TP63: variants seen among roughly 807,000 people sequenced by gnomAD.
TP63 encodes the protein tumor protein 63.
TP63 carries 17 observed loss-of-function variants against 82.8 expected under a neutral mutation model. That is an observed-to-expected ratio of 0.21 (90% CI 0.14 to 0.31). TP63 has a LOEUF of 0.31. Among genes scored for constraint, TP63 ranks in the 10% least tolerant of loss-of-function variants. The pLI, the probability that TP63 is intolerant of heterozygous loss-of-function variation, is 1.00. For missense variants in TP63, 648 were observed against 895.3 expected, an observed-to-expected ratio of 0.72 and a Z score of 3.52; for synonymous variants, 330 against 321.7, an observed-to-expected ratio of 1.03 and a Z score of -0.28.
chr3:189,655,996 C>T (rs958931734), intron 1 of TP63, among the ~76,000 whole-genome samples: 11 of 152,240 alleles, frequency 7.2e-5, no homozygotes, highest in African/African-American at 1.9e-4. Flanking sequence ...GGAAATTCTT[C>T]CTGACTCTTG....
At chr3:189,784,749 G>A (rs1426111639) in intron 3 of TP63, among the ~76,000 whole-genome samples, 1 of 151,948 alleles carries the variant, frequency 6.6e-6, no homozygotes, top group African/African-American at 2.4e-5. Flanking sequence ...CCCTAAAATG[G>A]GTGAGATCTA....
rs1343687224 is a variant in TP63 at position 189,840,356 on chromosome 3, CGTCTTTTTTTTTTT to C, written c.580-23875_580-23862del. Among the ~76,000 whole-genome samples the C allele has an allele frequency of 1.5e-4, 4 of 26,222 alleles. No homozygotes were observed. The East Asian group carries it at 2.7e-3, about 18-fold the overall frequency. The allele number at this position is 26,222 out of a possible 152,430, so 17.2% of individuals were successfully genotyped here. ...ATTGAGTTTTTTCTTTTTTGCTTTT[CGTCTTTTTTTTTTT>C]TTTTTTTTTTTTTTTTTACAAATTC... On this transcript the variant is annotated intron_variant, in intron 4 of 13. Coordinates refer to ENST00000264731, the MANE Select transcript of TP63 (RefSeq NM_003722.5).
chr3:189,745,273 T>C (rs1249870814), intron 3 of TP63, among the ~76,000 whole-genome samples: 1 of 152,150 alleles, frequency 6.6e-6, no homozygotes, highest in Non-Finnish European at 1.5e-5. Flanking sequence ...TAGATCCCAG[T>C]AAAAATTATT....
intron 1 of TP63, among the ~76,000 whole-genome samples, chr3:189,707,676 T>A (rs1718303348): frequency 6.6e-6 from 1 of 152,138 alleles, no homozygotes; most frequent in Admixed American, 6.5e-5. Flanking sequence ...ATGATTACTT[T>A]AAAAAACAAT....
chr3:189,815,221 T>G (rs1728048645), intron 4 of TP63, among the ~76,000 whole-genome samples: 1 of 152,096 alleles, frequency 6.6e-6, no homozygotes, highest in Non-Finnish European at 1.5e-5. Flanking sequence ...TCTCCATAAA[T>G]TAATATGGAG....
At position 189,656,147 on chromosome 3, in the gene TP63, G is replaced by A. The variant is rs991556674; in HGVS notation, c.62+24570G>A. ...TGAAAGAAAACTGTTTAAAACAATA[G>A]TAAATAACAATGTATTAAATGATTA... is the stretch of plus-strand genomic sequence containing the variant. On this transcript the variant is annotated intron_variant, in intron 1 of 13. Coordinates refer to ENST00000264731, the MANE Select transcript of TP63 (RefSeq NM_003722.5). Among the ~76,000 whole-genome samples, 15 of 152,212 alleles carry A rather than the reference G, an allele frequency of 9.9e-5. 1 individual carries two copies. Among genetic ancestry groups the A allele is most frequent in the East Asian group, 3.9e-4 (2 of 5,176 alleles).
intron 4 of TP63, among the ~76,000 whole-genome samples, chr3:189,843,472 T>C (rs1007365481): frequency 4.6e-5 from 7 of 152,054 alleles, no homozygotes; most frequent in Non-Finnish European, 1.0e-4. Context: ...GAAAAGTGCT[T>C]GGAGGAAGGA....
At chr3:189,718,490 A>G (rs922622861) in intron 1 of TP63, among the ~76,000 whole-genome samples, 12 of 148,830 alleles carry the variant, frequency 8.1e-5, no homozygotes, top group African/African-American at 3.0e-4. Context: ...GTGAGCGGTC[A>G]CTCACTGTCA....
At chr3:189,815,443 A>T (rs1220633602) in intron 4 of TP63, among the ~76,000 whole-genome samples, 1 of 152,208 alleles carries the variant, frequency 6.6e-6, no homozygotes, top group Non-Finnish European at 1.5e-5. Flanking sequence ...CTACAAGGAC[A>T]TCTGCTTTAC....
intron 1 of TP63, among the ~76,000 whole-genome samples, chr3:189,706,093 C>T (rs746219402): frequency 6.6e-6 from 1 of 152,084 alleles, no homozygotes; most frequent in Non-Finnish European, 1.5e-5. Context: ...CTTTATATCA[C>T]ATCGTATTAA....
At chr3:189,871,930 G>A (rs1056368723) in intron 9 of TP63, among the ~76,000 whole-genome samples, 5 of 152,036 alleles carry the variant, frequency 3.3e-5, no homozygotes, top group Admixed American at 2.0e-4. Context: ...TCCCAGGGTG[G>A]TCTTGAACTA....
At chr3:189,686,966 T>C (rs566539144) in intron 1 of TP63, among the ~76,000 whole-genome samples, 14 of 152,162 alleles carry the variant, frequency 9.2e-5, no homozygotes, top group African/African-American at 3.4e-4. Flanking sequence ...CCTGACCTTG[T>C]GATCTACCTG....
chr3:189,891,162 G>A (rs1186267417), intron 13 of TP63, among the ~76,000 whole-genome samples: 3 of 152,068 alleles, frequency 2.0e-5, no homozygotes, highest in Non-Finnish European at 4.4e-5. Flanking sequence ...AGCTATTCCC[G>A]CAATCAAAAC....
At chr3:189,777,973 A>G (rs1723949042) in intron 3 of TP63, among the ~76,000 whole-genome samples, 1 of 148,920 alleles carries the variant, frequency 6.7e-6, no homozygotes, top group Non-Finnish European at 1.5e-5. Context: ...CTGGTGCGTC[A>G]GCCTCCTGAG....
intron 4 of TP63, among the ~76,000 whole-genome samples, chr3:189,813,485 T>C (rs906827748): frequency 5.3e-5 from 8 of 152,134 alleles, no homozygotes; most frequent in Non-Finnish European, 1.2e-4. Context: ...CATAGTTCAG[T>C]CTGTCTTGAT....
chr3:189,767,288 A>C (rs1723025380), intron 3 of TP63, among the ~76,000 whole-genome samples: 1 of 152,130 alleles, frequency 6.6e-6, no homozygotes, highest in Admixed American at 6.6e-5. Flanking sequence ...ACATGAAAGA[A>C]AAAAAAACAT....
intron 4 of TP63, among the ~76,000 whole-genome samples, chr3:189,831,095 A>T (rs59491922): frequency 0.016 from 2,395 of 152,274 alleles, 58 homozygotes; most frequent in African/African-American, 0.054. Context: ...CCCAGTGCCA[A>T]TGCTGCCAAC....
rs187133724 is a variant in TP63 at position 189,641,415 on chromosome 3, A to T, written c.62+9838A>T. On this transcript the variant is annotated intron_variant, in intron 1 of 13. Coordinates refer to ENST00000264731, the MANE Select transcript of TP63 (RefSeq NM_003722.5). ...AAGTAATTGTGACTTGCTACTACTT[A>T]TATTTCAATAAGTATTTATTACACA... 9.2e-5 allele frequency among the ~76,000 whole-genome samples: 14 copies of T among 152,264 alleles called. No homozygotes were observed. The East Asian group carries it at 2.7e-3, about 29-fold the overall frequency.
intron 13 of TP63, among the ~76,000 whole-genome samples, chr3:189,892,347 A>T (rs1277379973): frequency 6.6e-6 from 1 of 152,238 alleles, no homozygotes; most frequent in Admixed American, 6.5e-5. Flanking sequence ...ACTAAGTCCT[A>T]TGCCAATCTG....
Sources: allele counts gnomAD v4.1 joint callset (sites outside exome capture counted in the v4.1 genomes callset), GRCh38; gene constraint gnomAD v4.1.1; transcripts MANE v1.5; gene names NCBI Gene and HGNC (gene_info 2026-07-23, HGNC 2026-07-21).